The following RPS6KC1 variants were observed in gnomAD, a reference collection of about 807,000 sequenced individuals.
The protein encoded by RPS6KC1 is ribosomal protein S6 kinase C1.
A neutral mutation model predicts 103.8 loss-of-function variants in RPS6KC1; 54 were observed. That is an observed-to-expected ratio of 0.52 (90% CI 0.42 to 0.65). The LOEUF is 0.65. Ranked by LOEUF, RPS6KC1 falls within the 30% of genes least tolerant of loss-of-function variation. The pLI, the probability that RPS6KC1 is intolerant of heterozygous loss-of-function variation, is 0.00. For missense variants in RPS6KC1, 1,151 were observed against 1,253.8 expected, an observed-to-expected ratio of 0.92 and a Z score of 1.24; for synonymous variants, 439 against 438.7, an observed-to-expected ratio of 1.00 and a Z score of -0.01.
chr1:213,770,711 C>G, the RPS6KC1 span, among the ~76,000 whole-genome samples: 1 of 152,132 alleles, frequency 6.6e-6, no homozygotes, highest in African/African-American at 2.4e-5. Context: ...CTTCAGAGGC[C>G]AGCCTTTTTG....
chr1:213,151,967 G>A lies in RPS6KC1; in HGVS notation c.836-15891G>A, dbSNP rs1456826734. On this transcript the variant is annotated intron_variant, in intron 6 of 14. Transcript: ENST00000366960. The stretch of plus-strand genomic sequence containing the variant: ...TCCCTCCCGGATGGGGCGGCTGGCC[G>A]GGCAGAGGGGCTCCTCACTTCCCAG... Among the ~76,000 whole-genome samples the A allele has an allele frequency of 1.4e-4, 17 of 122,684 alleles. 1 individual carries two copies. The highest frequency in any genetic ancestry group is 4.6e-4 in the African/African-American group (14 of 30,234). 80.5% of individuals were successfully genotyped at this position (122,684 alleles called of 152,430 possible).
the RPS6KC1 span, among the ~76,000 whole-genome samples, chr1:213,356,683 G>A: frequency 6.6e-6 from 1 of 152,076 alleles, no homozygotes; most frequent in Non-Finnish European, 1.5e-5. Context: ...ATAAAAGCCT[G>A]CCCCCAGATA....
the RPS6KC1 span, among the ~76,000 whole-genome samples, chr1:213,672,399 A>C: frequency 6.6e-6 from 1 of 150,936 alleles, no homozygotes; most frequent in African/African-American, 2.5e-5. Context: ...CTCTACTGAA[A>C]CTTCTCTTGA....
chr1:213,686,348 G>A, the RPS6KC1 span, among the ~76,000 whole-genome samples: 1 of 152,160 alleles, frequency 6.6e-6, no homozygotes, highest in Non-Finnish European at 1.5e-5. Flanking sequence ...TGAGGTCAGT[G>A]TAGTTCAAAG....
the RPS6KC1 span, among the ~76,000 whole-genome samples, chr1:213,596,650 T>G: frequency 6.6e-6 from 1 of 152,408 alleles, no homozygotes; most frequent in African/African-American, 2.4e-5. Context: ...TTATTTTGGC[T>G]GTTTCTTAGC....
chr1:213,363,098 T>C, the RPS6KC1 span, among the ~76,000 whole-genome samples: 4 of 152,228 alleles, frequency 2.6e-5, no homozygotes, highest in African/African-American at 9.6e-5. Context: ...GGGCCACATC[T>C]ATCAGCAGCA....
At chr1:213,578,130 C>T in the RPS6KC1 span, among the ~76,000 whole-genome samples, 1 of 152,228 alleles carries the variant, frequency 6.6e-6, no homozygotes, top group Non-Finnish European at 1.5e-5. Context: ...CAACATACAG[C>T]TCAGGCTGTT....
chr1:213,323,140 C>CCATT, the RPS6KC1 span, among the ~76,000 whole-genome samples: 1 of 151,892 alleles, frequency 6.6e-6, no homozygotes, highest in Admixed American at 6.6e-5. Flanking sequence ...TTCTGTCATT[C>CCATT]CATTGCCTTC....
the RPS6KC1 span, among the ~76,000 whole-genome samples, chr1:213,766,989 C>T: frequency 1.3e-4 from 20 of 152,110 alleles, no homozygotes; most frequent in African/African-American, 4.8e-4. Context: ...TTCATAGCTC[C>T]TCAGCTATCC....
At chr1:213,313,094 A>G in the RPS6KC1 span, among the ~76,000 whole-genome samples, 1 of 152,146 alleles carries the variant, frequency 6.6e-6, no homozygotes, top group South Asian at 2.1e-4. Flanking sequence ...AGAATCATTA[A>G]TTGTTTTGCT....
At chr1:213,421,941 C>T in the RPS6KC1 span, among the ~76,000 whole-genome samples, 1 of 152,226 alleles carries the variant, frequency 6.6e-6, no homozygotes, top group East Asian at 1.9e-4. Context: ...GTGTTTTAAC[C>T]TTGCTTCTTC....
At chr1:213,834,682 C>G in the RPS6KC1 span, among the ~76,000 whole-genome samples, 1 of 150,912 alleles carries the variant, frequency 6.6e-6, no homozygotes, top group African/African-American at 2.4e-5. Flanking sequence ...CTCCATAGAG[C>G]CCTTCTCAAA....
At chr1:213,585,659 C>T in the RPS6KC1 span, among the ~76,000 whole-genome samples, 3 of 152,170 alleles carry the variant, frequency 2.0e-5, no homozygotes, top group African/African-American at 7.2e-5. Context: ...TGGAGTCCCA[C>T]CTCTATGCTG....
chr1:213,744,546 G>T, the RPS6KC1 span, among the ~76,000 whole-genome samples: 3 of 152,212 alleles, frequency 2.0e-5, no homozygotes, highest in Non-Finnish European at 4.4e-5. Flanking sequence ...TCTGCTATTT[G>T]CTGTGTAGCC....
chr1:213,733,002 T>G, the RPS6KC1 span, among the ~76,000 whole-genome samples: 1 of 152,202 alleles, frequency 6.6e-6, no homozygotes, highest in Non-Finnish European at 1.5e-5. Flanking sequence ...TAAATAGTAT[T>G]CTATTGTGTG....
the RPS6KC1 span, among the ~76,000 whole-genome samples, chr1:213,365,023 A>G: frequency 6.6e-6 from 1 of 152,218 alleles, no homozygotes; most frequent in Non-Finnish European, 1.5e-5. Flanking sequence ...ATTGAGCACC[A>G]TAAATATCTG....
the RPS6KC1 span, among the ~76,000 whole-genome samples, chr1:213,470,487 TATG>T: frequency 6.6e-6 from 1 of 152,226 alleles, no homozygotes; most frequent in African/African-American, 2.4e-5. Context: ...TCTTCCTGTT[TATG>T]ATGTCAGTAA....
chr1:213,607,629 A>G, the RPS6KC1 span, among the ~76,000 whole-genome samples: 1 of 151,562 alleles, frequency 6.6e-6, no homozygotes, highest in East Asian at 1.9e-4. Context: ...GGCAGGGGAA[A>G]ACATTTAAGA....
chr1:213,761,417 GT>G, the RPS6KC1 span, among the ~76,000 whole-genome samples: 26 of 152,296 alleles, frequency 1.7e-4, no homozygotes, highest in Non-Finnish European at 2.6e-4. Context: ...GGAGGATATA[GT>G]TTTAATAATC....
Sources: allele counts gnomAD v4.1 joint callset (sites outside exome capture counted in the v4.1 genomes callset), GRCh38; gene constraint gnomAD v4.1.1; transcripts MANE v1.5; gene names NCBI Gene and HGNC (gene_info 2026-07-23, HGNC 2026-07-21).